SACS: variants seen among roughly 807,000 people sequenced by gnomAD.
SACS encodes the protein sacsin.
A neutral mutation model predicts 348.0 loss-of-function variants in SACS; 197 were observed. That is an observed-to-expected ratio of 0.57 (90% CI 0.50 to 0.64). The LOEUF is 0.64. Among genes scored for constraint, SACS ranks in the 30% least tolerant of loss-of-function variants. The pLI is 0.00. For synonymous variants in SACS, 1,985 were observed against 1,910.6 expected, an observed-to-expected ratio of 1.04 and a Z score of -1.02; for missense variants, 4,999 against 5,360.8, an observed-to-expected ratio of 0.93 and a Z score of 2.11.
intron 2 of SACS, among the ~76,000 whole-genome samples, chr13:23,382,650 A>T (rs972707445): frequency 3.3e-5 from 5 of 152,176 alleles, no homozygotes; most frequent in African/African-American, 1.2e-4. Flanking sequence ...ACAAATCATG[A>T]TTGTTCACTA....
intron 9 of SACS, among the ~76,000 whole-genome samples, chr13:23,353,420 C>T (rs1870102192): frequency 6.6e-6 from 1 of 152,174 alleles, no homozygotes; most frequent in Admixed American, 6.5e-5. Flanking sequence ...TTTCTCTCTC[C>T]TCTTCTGTGA....
chr13:23,334,349 G>A lies in SACS; in HGVS notation c.9527C>T (p.Thr3176Ile). The change falls in exon 10 of 10, where the codon ACA (threonine) becomes ATA (isoleucine). Residue 3176 changes from threonine to isoleucine, a missense_variant. Physicochemically the swap from Thr to Ile is moderately conservative, Grantham distance 89. This residue lies in a region of SACS where 734 missense variants were observed against 694.0 expected (regional missense o/e 1.06). Coordinates refer to ENST00000382292, the MANE Select transcript of SACS (RefSeq NM_014363.6). ...GCGGGATGGAATCAATTCATGATAT[G>A]TTGTTAGAAACTTGGGTCGTTTTGC... ...FDAKRPKFLT[T>I]YHELIPSRKD... is the part of the protein sequence containing the mutation. The A allele has an allele frequency of 6.2e-7, 1 of 1,612,304 alleles. No individual in the cohort carries two copies. The highest frequency in any genetic ancestry group is 8.5e-7 in the Non-Finnish European group (1 of 1,179,124).
Position 23,354,951 on chromosome 13 carries a change from C to A in SACS, c.1661G>T (p.Ser554Ile). ...HWQPVLEPLFSELLQNAVIYS... is the reference protein window; with the variant it reads ...HWQPVLEPLFIELLQNAVIYS... ...AATCACTGCATTCTGCAACAGCTCG[C>A]TGAATAGAGGCTCTAACACCGGTTG... is the stretch of plus-strand genomic sequence containing the variant. Residue 554 changes from serine (S) to isoleucine (I), a missense_variant, in exon 8 of 10, where the codon AGC becomes ATC. Coordinates refer to ENST00000382292, the MANE Select transcript of SACS (RefSeq NM_014363.6). 1 of 1,614,252 alleles carries A rather than the reference C, an allele frequency of 6.2e-7. No homozygotes were observed. Among genetic ancestry groups the A allele is most frequent in the Non-Finnish European group, 8.5e-7 (1 of 1,180,054 alleles).
rs1453407912 is a variant in SACS, at chr13:23,341,347, A to G, written c.2529T>C (p.Ile843=). The change falls in exon 10 of 10, where the codon ATT becomes ATC. Residue 843 remains isoleucine, a synonymous_variant. Coordinates refer to ENST00000382292, the MANE Select transcript of SACS (RefSeq NM_014363.6). ...GGACAAACCCTCCAAGTTTTTGTAC[A>G]ATGTCTGCTAAAAATTCTGGAAGCT... ...EAQLPEFLAD[I]VQKLGGFVLK... is the part of the protein sequence containing the mutation. The G allele has an allele frequency of 1.2e-6, 2 of 1,605,176 alleles. No individual in the cohort carries two copies. Among genetic ancestry groups the G allele is most frequent in the African/African-American group, 1.3e-5 (1 of 74,438 alleles).
intron 2 of SACS, among the ~76,000 whole-genome samples, chr13:23,383,897 C>T (rs1872168285): frequency 6.6e-6 from 1 of 152,160 alleles, no homozygotes; most frequent in Non-Finnish European, 1.5e-5. Flanking sequence ...TCACCCTCTC[C>T]CCAACCCCAG....
chr13:23,382,420 T>C (rs1266947560), intron 2 of SACS, among the ~76,000 whole-genome samples: 1 of 152,230 alleles, frequency 6.6e-6, no homozygotes, highest in African/African-American at 2.4e-5. Flanking sequence ...AAGCTTCATC[T>C]GTTAAAATCT....
intron 2 of SACS, among the ~76,000 whole-genome samples, chr13:23,408,246 C>G (rs918773581): frequency 2.0e-5 from 3 of 152,008 alleles, no homozygotes; most frequent in Non-Finnish European, 4.4e-5. Context: ...CCTGCTCTTA[C>G]GCACACTGTA....
At position 23,329,430 on chromosome 13, in the gene SACS, A is replaced by AT. The variant is rs1883327528; in HGVS notation, c.*705dup. On this transcript the variant is annotated 3_prime_UTR_variant, in exon 10 of 10. Transcript: ENST00000382292. ...CCAGAAACAATACTAACAACTGGTA[A>AT]TAAGAACTGCCACCATTTTGAGTTT... The AT allele has an allele frequency of 2.6e-6, 2 of 771,470 alleles. No homozygotes were observed. The highest frequency in any genetic ancestry group is 4.8e-6 in the Non-Finnish European group (2 of 415,432). 47.8% of individuals were successfully genotyped at this position (771,470 alleles called of 1,614,324 possible). A position where few individuals can be genotyped will look rare whatever the true frequency, so the allele number is the denominator to read the frequency against.
At position 23,337,403 on chromosome 13, in the gene SACS, A is replaced by G; in HGVS notation, c.6473T>C (p.Ile2158Thr). The G allele has an allele frequency of 6.2e-7, 1 of 1,613,190 alleles. No individual in the cohort carries two copies. The highest frequency in any genetic ancestry group is 8.5e-7 in the Non-Finnish European group (1 of 1,179,658). ...LVQLGMAKDD[I>T]LWDDMLERAV... ...ACGTTCTAGCATATCATCCCATAAAATATCATCTTTTGCCATACCTAACTG... is the reference window on the plus strand; with the variant it reads ...ACGTTCTAGCATATCATCCCATAAAGTATCATCTTTTGCCATACCTAACTG... The change falls in exon 10 of 10, where the codon ATT becomes ACT. Residue 2158 changes from isoleucine (I) to threonine (T), a missense_variant. Ile to Thr is a moderately conservative substitution (Grantham distance 89). This residue lies in a region of SACS where 3,156 missense variants were observed against 3,380.1 expected (regional missense o/e 0.93). Transcript: ENST00000382292.
At chr13:23,393,415 G>A (rs766908288) in intron 2 of SACS, among the ~76,000 whole-genome samples, 5 of 152,064 alleles carry the variant, frequency 3.3e-5, no homozygotes, top group Non-Finnish European at 5.9e-5. Flanking sequence ...CTGGCACTAG[G>A]TCATGGCCCC....
In SACS at chr13:23,330,643, T is replaced by G. The variant is rs556141856; in HGVS notation, c.13233A>C (p.Glu4411Asp). Residue 4411 changes from glutamate (E) to aspartate (D), a missense_variant, in exon 10 of 10, where the codon GAA becomes GAC. This residue lies in a region of SACS where 254 missense variants were observed against 275.1 expected (regional missense o/e 0.92). Transcript: ENST00000382292. ...WNQEATSHKS[E>D]RQQQNKEKCP... ...ATTTTTCTTTGTTCTGTTGCTGTCT[T>G]TCAGATTTATGGCTCGTTGCTTCTT... The G allele has an allele frequency of 8.1e-6, 13 of 1,614,106 alleles. No homozygotes were observed. The South Asian group carries it at 1.3e-4, about 16-fold the overall frequency.
At chr13:23,427,973 T>TC (rs1874260639) in intron 1 of SACS, 1 of 152,232 alleles carries the variant, frequency 6.6e-6, no homozygotes, top group Non-Finnish European at 1.5e-5. Context: ...AAGCCCCTCT[T>TC]CCCTGAAGGA....
intron 2 of SACS, among the ~76,000 whole-genome samples, chr13:23,402,603 T>C (rs141564886): frequency 2.0e-3 from 311 of 152,350 alleles, no homozygotes; most frequent in African/African-American, 7.1e-3. Flanking sequence ...TGGAATGTCA[T>C]ATTTGAGAAT....
chr13:23,332,423 T>A lies in SACS; in HGVS notation c.11453A>T (p.Glu3818Val), dbSNP rs1883538738. Residue 3818 changes from glutamate (E) to valine (V), a missense_variant, in exon 10 of 10, where the codon GAA becomes GTA. By Grantham distance (121) the Glu-to-Val change is moderately radical. This residue lies in a region of SACS where 831 missense variants were observed against 941.8 expected (regional missense o/e 0.88). Transcript: ENST00000382292. ...PEEVVINLEY[E>V]SDFKPYLYKL... ...GTACAAATAAGGTTTAAAATCAGATTCATATTCTAGGTTTATGACTACCTC... is the reference window on the plus strand; with the variant it reads ...GTACAAATAAGGTTTAAAATCAGATACATATTCTAGGTTTATGACTACCTC... 6.2e-7 allele frequency: 1 copy of A among 1,613,872 alleles called. No homozygotes were observed. Among genetic ancestry groups the A allele is most frequent in the African/African-American group, 1.3e-5 (1 of 74,908 alleles).
chr13:23,375,620 G>A, intron 2 of SACS: 3 of 972,328 alleles, frequency 3.1e-6, no homozygotes, highest in Non-Finnish European at 1.2e-6. Flanking sequence ...CCCACCCGCC[G>A]GGACCGTTAG....
At chr13:23,362,581 C>CTTT (rs34351648) in intron 6 of SACS, among the ~76,000 whole-genome samples, 100 of 111,872 alleles carry the variant, frequency 8.9e-4, no homozygotes, top group Non-Finnish European at 1.4e-3. Flanking sequence ...TAATACATTC[C>CTTT]TTTTTTTTTT....
chr13:23,380,082 T>C (rs1474794869), intron 2 of SACS, among the ~76,000 whole-genome samples: 2 of 151,834 alleles, frequency 1.3e-5, no homozygotes, highest in African/African-American at 4.8e-5. Context: ...CTTCCTGCTC[T>C]TGAGGAAGGT....
intron 2 of SACS, among the ~76,000 whole-genome samples, chr13:23,394,520 T>C (rs140614698): frequency 6.6e-6 from 1 of 152,336 alleles, no homozygotes; most frequent in East Asian, 1.9e-4. Context: ...GAATAATTTG[T>C]TCTTTAACAC....
chr13:23,353,748 A>G, intron 9 of SACS, 37 bp downstream of exon 9: 1 of 1,167,992 alleles, frequency 8.6e-7, no homozygotes, highest in Non-Finnish European at 1.2e-6. Flanking sequence ...GTATTTTTAT[A>G]TAGAAGTTTA....
Sources: allele counts gnomAD v4.1 joint callset (sites outside exome capture counted in the v4.1 genomes callset), GRCh38; gene constraint gnomAD v4.1.1; regional missense constraint gnomAD v4.1.1; transcripts MANE v1.5; gene names NCBI Gene and HGNC (gene_info 2026-07-23, HGNC 2026-07-21).